The following SETBP1 variants were observed in gnomAD, a reference collection of about 807,000 sequenced individuals.
SETBP1 encodes the protein SET binding protein 1, also known as SET-binding protein.
SETBP1 carries 9 observed loss-of-function variants against 101.0 expected under a neutral mutation model. The observed-to-expected ratio is 0.09, with a 90% CI of 0.05 to 0.16. The LOEUF (loss-of-function observed/expected upper bound fraction) is 0.16. SETBP1 is among the 10% of genes least tolerant of loss of function. The probability of loss-of-function intolerance (pLI) is 1.00; values close to 1 mark genes in which losing one functional copy is unlikely to be tolerated. For synonymous variants in SETBP1, 818 were observed against 788.5 expected (o/e 1.04, Z -0.63); for missense variants, 1,858 against 2,033.8 (o/e 0.91, Z 1.66).
At chr18:44,961,839 G>C (rs1327772256) in intron 4 of SETBP1, among the ~76,000 whole-genome samples, 6 of 152,174 alleles carry the variant, frequency 3.9e-5, no homozygotes, top group Non-Finnish European at 7.4e-5. Context: ...CTGTGCATCT[G>C]TGAATGTATG....
At chr18:45,042,941 C>A (rs1360709487) in intron 5 of SETBP1, among the ~76,000 whole-genome samples, 2 of 152,094 alleles carry the variant, frequency 1.3e-5, no homozygotes, top group Non-Finnish European at 1.5e-5. Context: ...CCAAGGAGGT[C>A]TGATTCAAGG....
intron 3 of SETBP1, among the ~76,000 whole-genome samples, chr18:44,893,920 G>A (rs2069831342): frequency 6.6e-6 from 1 of 152,030 alleles, no homozygotes; most frequent in Admixed American, 6.6e-5. Flanking sequence ...CCTATCTATT[G>A]TATATACCAA....
chr18:44,864,526 A>G (rs548621120), intron 2 of SETBP1, among the ~76,000 whole-genome samples: 13 of 152,270 alleles, frequency 8.5e-5, no homozygotes, highest in Admixed American at 5.9e-4. Context: ...AGGCAGGGTC[A>G]TCCTCCTAAT....
chr18:45,015,388 A>G (rs1368968014), intron 4 of SETBP1, among the ~76,000 whole-genome samples: 1 of 152,132 alleles, frequency 6.6e-6, no homozygotes, highest in African/African-American at 2.4e-5. Flanking sequence ...GTCTTGATCT[A>G]CCTTTACCTC....
rs985370819 is a variant in SETBP1 at position 44,752,840 on chromosome 18, C to G, written c.486+51008C>G. ...AGTCATAAGTGGCCTTCAGGTTCTC[C>G]TCTAACCTTCTGGAATTGGATGCCC... On this transcript the variant is annotated intron_variant, in intron 2 of 5. Transcript: ENST00000649279. Among the ~76,000 whole-genome samples the G allele has an allele frequency of 9.2e-5, 14 of 152,268 alleles. No homozygotes were observed. The East Asian group carries it at 2.7e-3, about 29-fold the overall frequency.
At chr18:44,687,377 A>C (rs937787157) in intron 1 of SETBP1, among the ~76,000 whole-genome samples, 1 of 152,220 alleles carries the variant, frequency 6.6e-6, no homozygotes, top group Non-Finnish European at 1.5e-5. Flanking sequence ...CAACTGTCCA[A>C]ACCAATCCCA....
At chr18:44,890,668 T>C (rs1306917984) in intron 3 of SETBP1, among the ~76,000 whole-genome samples, 3 of 152,122 alleles carry the variant, frequency 2.0e-5, no homozygotes, top group Non-Finnish European at 4.4e-5. Flanking sequence ...TGGACTATAA[T>C]TTTTTCACCT....
At chr18:44,820,255 GTTTTAGGGCATTCAT>G in intron 2 of SETBP1, among the ~76,000 whole-genome samples, 1 of 152,258 alleles carries the variant, frequency 6.6e-6, no homozygotes, top group East Asian at 1.9e-4. Context: ...TCAACTCCCT[GTTTTAGGGCATTCAT>G]TTTTTCAATC....
intron 3 of SETBP1, among the ~76,000 whole-genome samples, chr18:44,875,894 G>T (rs1328508538): frequency 6.6e-6 from 1 of 152,130 alleles, no homozygotes; most frequent in Non-Finnish European, 1.5e-5. Context: ...CTTATGCTAC[G>T]CCATCTTGAA....
chr18:44,796,823 G>A (rs182820177), intron 2 of SETBP1, among the ~76,000 whole-genome samples: 8 of 152,088 alleles, frequency 5.3e-5, no homozygotes, highest in South Asian at 2.1e-4. Flanking sequence ...ACACACACGC[G>A]CACACACATG....
intron 3 of SETBP1, among the ~76,000 whole-genome samples, chr18:44,944,313 G>A (rs56161428): frequency 0.043 from 6,594 of 152,288 alleles, 172 homozygotes; most frequent in Non-Finnish European, 0.065. Flanking sequence ...GCCTATGGTG[G>A]TTGGTTCTGC....
intron 3 of SETBP1, among the ~76,000 whole-genome samples, chr18:44,875,265 A>T (rs934979277): frequency 4.6e-5 from 7 of 152,134 alleles, no homozygotes; most frequent in African/African-American, 1.4e-4. Context: ...TCTTGACTGT[A>T]ATACCAACAC....
intron 4 of SETBP1, among the ~76,000 whole-genome samples, chr18:44,963,899 C>CAAAAAAAAA (rs59077847): frequency 4.8e-5 from 2 of 41,620 alleles, no homozygotes; most frequent in Non-Finnish European, 7.7e-5. Context: ...GACCCCATCT[C>CAAAAAAAAA]AAAAAAAAAA....
intron 4 of SETBP1, among the ~76,000 whole-genome samples, chr18:44,953,885 G>C (rs1312809907): frequency 6.6e-6 from 1 of 152,152 alleles, no homozygotes; most frequent in Non-Finnish European, 1.5e-5. Flanking sequence ...GGGCCATATT[G>C]TTTCCATTTT....
chr18:44,851,471 C>T (rs1021132584), intron 2 of SETBP1, among the ~76,000 whole-genome samples: 1 of 152,186 alleles, frequency 6.6e-6, no homozygotes, highest in African/African-American at 2.4e-5. Flanking sequence ...ACTGGTAAAA[C>T]ACCTGGACTC....
chr18:45,063,461 G>T lies in SETBP1; in HGVS notation c.4554G>T (p.Glu1518Asp). Residue 1518 changes from glutamate to aspartate, a missense_variant, in exon 6 of 6, where the codon GAG becomes GAT. Glu to Asp is a conservative substitution (Grantham distance 45). Coordinates refer to ENST00000649279, the MANE Select transcript of SETBP1 (RefSeq NM_015559.3). ...TIEAVIHMAR[E>D]APPLPPPPPP... ...AGGCGGTCATCCACATGGCCCGGGAGGCGCCGCCCCTGCCCCCGCCACCGC... is the reference window on the plus strand; with the variant it reads ...AGGCGGTCATCCACATGGCCCGGGATGCGCCGCCCCTGCCCCCGCCACCGC... 1.4e-6 allele frequency: 2 copies of T among 1,473,276 alleles called. No homozygotes were observed. Among genetic ancestry groups the T allele is most frequent in the Non-Finnish European group, 1.8e-6 (2 of 1,115,194 alleles). 91.3% of individuals were successfully genotyped at this position (1,473,276 alleles called of 1,614,324 possible). A position where few individuals can be genotyped will look rare whatever the true frequency, so the allele number is the denominator to read the frequency against.
chr18:44,962,952 G>T (rs1203625690), intron 4 of SETBP1, among the ~76,000 whole-genome samples: 1 of 152,162 alleles, frequency 6.6e-6, no homozygotes, highest in Non-Finnish European at 1.5e-5. Context: ...CCATACATCT[G>T]AACAGGGTGT....
At position 44,891,783 on chromosome 18, in the gene SETBP1, C is replaced by T. The variant is rs539132857; in HGVS notation, c.540+22500C>T. On this transcript the variant is annotated intron_variant, in intron 3 of 5. Coordinates refer to ENST00000649279, the MANE Select transcript of SETBP1 (RefSeq NM_015559.3). ...AGAGTCCTGCTTCACAAATGCCAAA[C>T]CATTTTAGTTTCTGTATAATGGAGG... is the stretch of plus-strand genomic sequence containing the variant. Among the ~76,000 whole-genome samples, 7 of 152,268 alleles carry T rather than the reference C, an allele frequency of 4.6e-5. No individual in the cohort carries two copies. The East Asian group carries it at 9.7e-4, about 21-fold the overall frequency.
At chr18:44,866,515 C>T (rs527838720) in intron 2 of SETBP1, among the ~76,000 whole-genome samples, 4 of 152,310 alleles carry the variant, frequency 2.6e-5, no homozygotes, top group Admixed American at 6.5e-5. Flanking sequence ...AAGATAGAAG[C>T]CATCGTCTTT....
Sources: allele counts gnomAD v4.1 joint callset (sites outside exome capture counted in the v4.1 genomes callset), GRCh38; gene constraint gnomAD v4.1.1; transcripts MANE v1.5; gene names NCBI Gene and HGNC (gene_info 2026-07-23, HGNC 2026-07-21).